LRP1B: variants seen among roughly 807,000 people sequenced by gnomAD.
LRP1B encodes the protein LDL receptor related protein 1B.
A neutral mutation model predicts 556.6 loss-of-function variants in LRP1B; 217 were observed. The observed-to-expected ratio is 0.39, with a 90% CI of 0.35 to 0.44. LRP1B has a LOEUF of 0.44. LRP1B is among the 20% of genes least tolerant of loss of function. LRP1B has a pLI of 1.00. For synonymous variants in LRP1B, 2,047 were observed against 1,865.8 expected (o/e 1.10, Z -2.50); for missense variants, 5,053 against 5,620.8 (o/e 0.90, Z 3.23).
intron 1 of LRP1B, among the ~76,000 whole-genome samples, chr2:141,929,521 A>G (rs968334333): frequency 1.1e-4 from 17 of 151,960 alleles, no homozygotes; most frequent in African/African-American, 3.9e-4. Flanking sequence ...GTAGGTATGC[A>G]TTTCCTCAGT....
At chr2:140,507,382 C>T (rs966624443) in intron 52 of LRP1B, among the ~76,000 whole-genome samples, 7 of 151,924 alleles carry the variant, frequency 4.6e-5, no homozygotes, top group Admixed American at 4.6e-4. Flanking sequence ...GAAAAGAAAA[C>T]TAAGAAGGTT....
chr2:140,845,113 T>C (rs896907580), intron 29 of LRP1B, among the ~76,000 whole-genome samples: 1 of 152,096 alleles, frequency 6.6e-6, no homozygotes, highest in African/African-American at 2.4e-5. Flanking sequence ...TTTTCTGTCC[T>C]TTCACTGGCA....
At chr2:140,661,853 A>G (rs1447127232) in intron 41 of LRP1B, among the ~76,000 whole-genome samples, 3 of 152,182 alleles carry the variant, frequency 2.0e-5, no homozygotes, top group Non-Finnish European at 2.9e-5. Flanking sequence ...TCTCTGTTCT[A>G]TGTTGTGATA....
intron 55 of LRP1B, 79 bp downstream of exon 55, chr2:140,501,608 A>G: frequency 1.9e-6 from 2 of 1,033,508 alleles, no homozygotes; most frequent in African/African-American, 1.6e-5. Context: ...TAACTTTTTC[A>G]TCTATATTGG....
Position 140,902,942 on chromosome 2 carries a change from G to A in LRP1B, c.3744C>T (p.Asp1248=), listed in dbSNP as rs375089464. The part of the protein sequence containing the change: ...SCYEGWKLDV[D]GESCTSVDPF... Reference sequence around the variant, plus strand: ...TACCAACACTTGTACAACTTTCACCGTCTACATCCAGCTTCCAACCTTCAT... The same window carrying A: ...TACCAACACTTGTACAACTTTCACCATCTACATCCAGCTTCCAACCTTCAT... Residue 1248 remains aspartate (D), a synonymous_variant, in exon 23 of 91, where the codon GAC becomes GAT. Coordinates refer to ENST00000389484, the MANE Select transcript of LRP1B (RefSeq NM_018557.3). 1.1e-5 allele frequency: 17 copies of A among 1,613,314 alleles called. No homozygotes were observed. The highest frequency in any genetic ancestry group is 3.3e-5 in the Admixed American group (2 of 59,904).
At chr2:140,401,111 T>C (rs1684478867) in intron 66 of LRP1B, among the ~76,000 whole-genome samples, 4 of 151,984 alleles carry the variant, frequency 2.6e-5, no homozygotes, top group African/African-American at 7.2e-5. Flanking sequence ...TAACCTTGGG[T>C]GGGGATGAAC....
rs576827543 is a variant in LRP1B, at chr2:141,634,320, C to G, written c.206-153787G>C. On this transcript the variant is annotated intron_variant, in intron 2 of 90. Transcript: ENST00000389484. ...TATGACCAACAAAATGTTATAAAAC[C>G]AAAGCTATAAAAACTATAAACCTTC... 2.6e-5 allele frequency among the ~76,000 whole-genome samples: 4 copies of G among 151,670 alleles called. No homozygotes were observed. The South Asian group carries it at 8.3e-4, about 32-fold the overall frequency.
intron 79 of LRP1B, among the ~76,000 whole-genome samples, chr2:140,328,254 T>C (rs1266402968): frequency 1.3e-5 from 2 of 152,098 alleles, no homozygotes; most frequent in East Asian, 1.9e-4. Flanking sequence ...TTAAGTATAA[T>C]AGAATCACAA....
intron 1 of LRP1B, among the ~76,000 whole-genome samples, chr2:141,987,770 T>C (rs1702238326): frequency 6.6e-6 from 1 of 151,918 alleles, no homozygotes; most frequent in South Asian, 2.1e-4. Context: ...TGACATTTGA[T>C]TTATGCATAT....
chr2:141,785,250 C>T lies in LRP1B; in HGVS notation c.205+25029G>A, dbSNP rs140462857. On this transcript the variant is annotated intron_variant, in intron 2 of 90. Transcript: ENST00000389484. ...AGATGGCAATATCATGAAACAGAGT[C>T]ATCAGATGGAGAAGGTTGTCAGCTA... 2.0e-5 allele frequency among the ~76,000 whole-genome samples: 3 copies of T among 152,020 alleles called. No individual in the cohort carries two copies. The East Asian group carries it at 5.8e-4, about 29-fold the overall frequency.
chr2:141,351,868 G>A (rs972543449), intron 3 of LRP1B, among the ~76,000 whole-genome samples: 1 of 151,932 alleles, frequency 6.6e-6, no homozygotes, highest in Non-Finnish European at 1.5e-5. Flanking sequence ...AGATGGGCAA[G>A]AGGCAGTAGA....
At chr2:140,890,722 C>T (rs1346562540) in intron 23 of LRP1B, among the ~76,000 whole-genome samples, 2 of 151,982 alleles carry the variant, frequency 1.3e-5, no homozygotes, top group Non-Finnish European at 2.9e-5. Context: ...TATTTCCCCT[C>T]TGAGAAAATA....
intron 3 of LRP1B, among the ~76,000 whole-genome samples, chr2:141,371,098 C>A (rs972444224): frequency 6.6e-6 from 1 of 152,152 alleles, no homozygotes; most frequent in African/African-American, 2.4e-5. Context: ...ATTCTCCTAC[C>A]TCAGCCTCCT....
At chr2:142,019,577 A>G (rs1703266212) in intron 1 of LRP1B, among the ~76,000 whole-genome samples, 1 of 152,074 alleles carries the variant, frequency 6.6e-6, no homozygotes, top group African/African-American at 2.4e-5. Flanking sequence ...ATCCTTCCCC[A>G]TTGCAGTCTA....
chr2:141,091,275 T>C (rs1700165101), intron 7 of LRP1B, among the ~76,000 whole-genome samples: 1 of 152,098 alleles, frequency 6.6e-6, no homozygotes, highest in Admixed American at 6.5e-5. Flanking sequence ...AGGTTTTGAG[T>C]AGAGAAGTGA....
At chr2:141,576,626 T>C (rs1263040995) in intron 2 of LRP1B, among the ~76,000 whole-genome samples, 1 of 151,930 alleles carries the variant, frequency 6.6e-6, no homozygotes, top group African/African-American at 2.4e-5. Context: ...TAGTTGTACA[T>C]GCCTATGGTT....
chr2:141,755,327 C>T (rs1694276930), intron 2 of LRP1B, among the ~76,000 whole-genome samples: 4 of 151,900 alleles, frequency 2.6e-5, no homozygotes, highest in Admixed American at 2.0e-4. Context: ...TCATAATATT[C>T]CAATTTACAT....
At position 141,896,601 on chromosome 2, in the gene LRP1B, G is replaced by A. The variant is rs568264455; in HGVS notation, c.83-86200C>T. Among the ~76,000 whole-genome samples the A allele has an allele frequency of 5.9e-5, 9 of 152,080 alleles. 1 individual carries two copies. Among genetic ancestry groups the A allele is most frequent in the Admixed American group, 4.6e-4 (7 of 15,276 alleles). ...GGATGGAACATGATAAGTCCACATC[G>A]ATTAAGATGCAATGTATGGTACCAG... is the stretch of plus-strand genomic sequence containing the variant. On this transcript the variant is annotated intron_variant, in intron 1 of 90. Coordinates refer to ENST00000389484, the MANE Select transcript of LRP1B (RefSeq NM_018557.3).
chr2:140,404,872 T>C lies in LRP1B; in HGVS notation c.10415-18863A>G, dbSNP rs112779857. The stretch of plus-strand genomic sequence containing the variant: ...GGACTTAAACTATCTCTAGAACACA[T>C]TGACTTAACAGATTTCTACAAGACA... On this transcript the variant is annotated intron_variant, in intron 66 of 90. Coordinates refer to ENST00000389484, the MANE Select transcript of LRP1B (RefSeq NM_018557.3). Among the ~76,000 whole-genome samples, 883 of 152,270 alleles carry C rather than the reference T, an allele frequency of 5.8e-3. 6 individuals carry two copies. The highest frequency in any genetic ancestry group is 0.02 in the African/African-American group (846 of 41,538).
Sources: gnomAD v4.1 joint callset for allele counts (sites outside exome capture counted in the v4.1 genomes callset) on GRCh38, gnomAD v4.1.1 for gene constraint, MANE v1.5 for transcripts, NCBI Gene and HGNC (gene_info 2026-07-23, HGNC 2026-07-21) for gene names.